THRB: variants seen among roughly 807,000 people sequenced by gnomAD.
The protein encoded by THRB is nuclear receptor subfamily 1 group A member 2.
A neutral mutation model predicts 47.8 loss-of-function variants in THRB; 12 were observed. That is an observed-to-expected ratio of 0.25 (90% CI 0.16 to 0.41). The LOEUF is 0.41. Among genes scored for constraint, THRB ranks in the 10% least tolerant of loss-of-function variants. The pLI is 1.00. For missense variants in THRB, 348 were observed against 589.2 expected (o/e 0.59, Z 4.24); for synonymous variants, 218 against 212.2 (o/e 1.03, Z -0.24).
chr3:24,251,075 G>C (rs899727116), intron 3 of THRB, among the ~76,000 whole-genome samples: 1 of 152,090 alleles, frequency 6.6e-6, no homozygotes, highest in African/African-American at 2.4e-5. Flanking sequence ...CAATTACCTG[G>C]AAGCCAAGAA....
chr3:24,348,639 T>C (rs901546176), intron 1 of THRB: 1 of 152,138 alleles, frequency 6.6e-6, no homozygotes, highest in South Asian at 2.1e-4. Context: ...GATCATTTAA[T>C]TGCATATGCC....
At chr3:24,255,792 GCC>G (rs2051207810) in intron 3 of THRB, among the ~76,000 whole-genome samples, 1 of 152,166 alleles carries the variant, frequency 6.6e-6, no homozygotes, top group Non-Finnish European at 1.5e-5. Flanking sequence ...GGCCTTTTAG[GCC>G]ATAGACAAGA....
At chr3:24,180,556 A>G (rs1303135648) in intron 5 of THRB, among the ~76,000 whole-genome samples, 1 of 152,200 alleles carries the variant, frequency 6.6e-6, no homozygotes, top group Non-Finnish European at 1.5e-5. Flanking sequence ...TGCCATGGAG[A>G]ATAGCTCTGG....
chr3:24,473,562 C>T (rs545564653), intron 1 of THRB, among the ~76,000 whole-genome samples: 15 of 152,226 alleles, frequency 9.9e-5, no homozygotes, highest in African/African-American at 3.4e-4. Context: ...CCAGAAATAC[C>T]ATTTGACCCA....
chr3:24,177,206 A>G (rs1212044951), intron 5 of THRB, among the ~76,000 whole-genome samples: 1 of 152,186 alleles, frequency 6.6e-6, no homozygotes, highest in Non-Finnish European at 1.5e-5. Context: ...TTAAGTGAAC[A>G]TGGAGTAAAA....
chr3:24,366,180 G>A (rs1033539109), intron 1 of THRB, among the ~76,000 whole-genome samples: 3 of 152,152 alleles, frequency 2.0e-5, no homozygotes, highest in African/African-American at 7.2e-5. Flanking sequence ...TTTGGCAGTA[G>A]AGTATACACA....
chr3:24,281,235 T>C (rs1419602869), intron 3 of THRB, among the ~76,000 whole-genome samples: 3 of 151,978 alleles, frequency 2.0e-5, no homozygotes, highest in Non-Finnish European at 4.4e-5. Flanking sequence ...TAACAGCAGA[T>C]CTCTCGGCAG....
intron 3 of THRB, among the ~76,000 whole-genome samples, chr3:24,296,695 A>C (rs1312345372): frequency 2.0e-5 from 3 of 152,212 alleles, no homozygotes; most frequent in African/African-American, 7.2e-5. Context: ...GGAGAGCATA[A>C]AGGAGGTATC....
At chr3:24,264,386 A>C (rs1401596312) in intron 3 of THRB, among the ~76,000 whole-genome samples, 2 of 151,928 alleles carry the variant, frequency 1.3e-5, no homozygotes, top group African/African-American at 4.8e-5. Context: ...GTACCTCTTA[A>C]ATTTTTTGTT....
chr3:24,341,207 G>T, intron 1 of THRB, among the ~76,000 whole-genome samples: 4 of 45,830 alleles, frequency 8.7e-5, no homozygotes, highest in Admixed American at 2.9e-4. Flanking sequence ...CCTTTCTGTG[G>T]TAAAACAATT....
chr3:24,326,305 G>A (rs1369975448), intron 2 of THRB, among the ~76,000 whole-genome samples: 2 of 152,042 alleles, frequency 1.3e-5, no homozygotes, highest in African/African-American at 4.8e-5. Flanking sequence ...GCACAGTCTC[G>A]GCTCACTGCA....
chr3:24,220,389 G>A (rs145698841), intron 4 of THRB, among the ~76,000 whole-genome samples: 48 of 152,286 alleles, frequency 3.2e-4, no homozygotes, highest in African/African-American at 1.1e-3. Context: ...TACTCGGGAG[G>A]CTGAGATGGG....
intron 4 of THRB, among the ~76,000 whole-genome samples, chr3:24,206,813 G>A (rs1409082163): frequency 2.6e-5 from 4 of 152,040 alleles, no homozygotes; most frequent in African/African-American, 9.7e-5. Flanking sequence ...TGATAAAGGG[G>A]ATATCACCAC....
At chr3:24,201,402 C>G (rs2044583322) in intron 4 of THRB, among the ~76,000 whole-genome samples, 3 of 152,064 alleles carry the variant, frequency 2.0e-5, no homozygotes, top group Admixed American at 2.0e-4. Flanking sequence ...GTCTAAGGAC[C>G]TGCAGCATCA....
chr3:24,454,138 A>G lies in THRB; in HGVS notation c.-261+40514T>C, dbSNP rs369448165. Among the ~76,000 whole-genome samples the G allele has an allele frequency of 7.7e-4, 117 of 152,352 alleles. 3 individuals are homozygous for G. The South Asian group carries it at 0.024, about 31-fold the overall frequency. The stretch of plus-strand genomic sequence containing the variant: ...ATAGTAAAAAGGCAAGATAATTTAA[A>G]AACAGGCAAAGGATCTGGAATATTA... On this transcript the variant is annotated intron_variant, in intron 1 of 10. Transcript: ENST00000646209.
intron 10 of THRB, among the ~76,000 whole-genome samples, chr3:24,123,661 A>G (rs1004657091): frequency 2.0e-5 from 3 of 152,204 alleles, no homozygotes; most frequent in Non-Finnish European, 2.9e-5. Flanking sequence ...CCAGGCTGCA[A>G]TGAACTGGCC....
chr3:24,473,490 G>A (rs1366793036), intron 1 of THRB, among the ~76,000 whole-genome samples: 2 of 152,168 alleles, frequency 1.3e-5, no homozygotes, highest in Non-Finnish European at 2.9e-5. Context: ...CACTGTTGGT[G>A]GGAGTGTAAA....
chr3:24,387,829 C>T (rs1036579983), intron 1 of THRB, among the ~76,000 whole-genome samples: 1 of 152,034 alleles, frequency 6.6e-6, no homozygotes, highest in Non-Finnish European at 1.5e-5. Flanking sequence ...CCACTAGCTT[C>T]TGTGGGAGAC....
intron 1 of THRB, among the ~76,000 whole-genome samples, chr3:24,342,153 CAAAAAA>C (rs10574941): frequency 7.2e-6 from 1 of 138,878 alleles, no homozygotes. Context: ...CTGTTGCGCT[CAAAAAA>C]AAAAAAAAAA....
Sources: gnomAD v4.1 joint callset for allele counts (sites outside exome capture counted in the v4.1 genomes callset) on GRCh38, gnomAD v4.1.1 for gene constraint, MANE v1.5 for transcripts, NCBI Gene and HGNC (gene_info 2026-07-23, HGNC 2026-07-21) for gene names.